Variants in GRM7 observed in about 807,000 individuals in gnomAD.
The protein encoded by GRM7 is metabotropic glutamate receptor 7.
In GRM7, 35 loss-of-function variants were observed where a neutral mutation model predicts 84.5. The observed-to-expected ratio is 0.41, with a 90% CI of 0.32 to 0.55. The LOEUF is 0.55. Ranked by LOEUF, GRM7 falls within the 20% of genes least tolerant of loss-of-function variation. The pLI, the probability that GRM7 is intolerant of heterozygous loss-of-function variation, is 0.19. For synonymous variants in GRM7, 487 were observed against 455.1 expected, an observed-to-expected ratio of 1.07 and a Z score of -0.89; for missense variants, 1,003 against 1,194.6, an observed-to-expected ratio of 0.84 and a Z score of 2.36.
intron 1 of GRM7, among the ~76,000 whole-genome samples, chr3:6,889,788 A>T (rs1452092275): frequency 2.6e-5 from 4 of 152,028 alleles, no homozygotes; most frequent in Admixed American, 6.6e-5. Flanking sequence ...TATTGATTGG[A>T]ATAGTTTCAG....
intron 4 of GRM7, among the ~76,000 whole-genome samples, chr3:7,372,630 C>A (rs1041689082): frequency 1.3e-5 from 2 of 152,088 alleles, no homozygotes; most frequent in Non-Finnish European, 2.9e-5. Flanking sequence ...AATAAAAGAT[C>A]CCTAAAAGTA....
chr3:7,491,001 C>A (rs2124950208), intron 7 of GRM7, among the ~76,000 whole-genome samples: 1 of 151,824 alleles, frequency 6.6e-6, no homozygotes, highest in South Asian at 2.1e-4. Flanking sequence ...TTTTACATTA[C>A]AAATAAGCAA....
chr3:7,702,016 A>G (rs913053465), intron 9 of GRM7, among the ~76,000 whole-genome samples: 3 of 152,198 alleles, frequency 2.0e-5, no homozygotes, highest in Non-Finnish European at 4.4e-5. Flanking sequence ...TGAAGTCTAT[A>G]TAGAAGAAAA....
chr3:6,952,203 T>TA (rs1166179283), intron 1 of GRM7, among the ~76,000 whole-genome samples: 4 of 152,218 alleles, frequency 2.6e-5, no homozygotes. Context: ...GAATCATATT[T>TA]AGTCTAAGGT....
rs1022634220 is a variant in GRM7 at position 7,578,317 on chromosome 3, C to T, written c.1516-105C>T. On this transcript the variant is annotated intron_variant, in intron 7 of 9. Transcript: ENST00000357716. ...AAGCTGAGGGTAAACTATTCAACCT[C>T]ATGCCTCATATGTCACTTGCCATGA... The T allele has an allele frequency of 7.0e-6, 5 of 711,806 alleles. No homozygotes were observed. The African/African-American group carries it at 9.0e-5, about 13-fold the overall frequency. 44.1% of individuals were successfully genotyped at this position (711,806 alleles called of 1,614,324 possible).
intron 1 of GRM7, among the ~76,000 whole-genome samples, chr3:6,941,774 A>G (rs548251208): frequency 6.6e-6 from 1 of 152,138 alleles, no homozygotes; most frequent in Non-Finnish European, 1.5e-5. Context: ...GTATCAATTC[A>G]TATATTCATG....
chr3:7,618,461 T>C (rs113601525), intron 8 of GRM7, among the ~76,000 whole-genome samples: 13 of 152,256 alleles, frequency 8.5e-5, no homozygotes, highest in African/African-American at 3.1e-4. Context: ...ATTTAGTAAA[T>C]GTGACCACTC....
At chr3:7,262,350 T>C (rs1015308422) in intron 2 of GRM7, among the ~76,000 whole-genome samples, 44 of 152,306 alleles carry the variant, frequency 2.9e-4, no homozygotes, top group Non-Finnish European at 6.2e-4. Flanking sequence ...AGAAAGCCAG[T>C]CTTCAAGCTT....
intron 8 of GRM7, among the ~76,000 whole-genome samples, chr3:7,597,324 C>T (rs1444427474): frequency 6.6e-6 from 1 of 152,114 alleles, no homozygotes; most frequent in Non-Finnish European, 1.5e-5. Context: ...AGGGATCTGC[C>T]TCTGTGACCC....
At chr3:6,958,230 G>A (rs1445894268) in intron 1 of GRM7, among the ~76,000 whole-genome samples, 1 of 104,352 alleles carries the variant, frequency 9.6e-6, no homozygotes, top group Non-Finnish European at 1.9e-5. Context: ...TTATAAAAAT[G>A]GTATCAGGCT....
chr3:7,251,881 T>C (rs1449522961), intron 2 of GRM7, among the ~76,000 whole-genome samples: 3 of 152,188 alleles, frequency 2.0e-5, no homozygotes, highest in Non-Finnish European at 4.4e-5. Flanking sequence ...TTATCAAAGA[T>C]AGTTATTACT....
chr3:6,895,475 C>A (rs1187942036), intron 1 of GRM7, among the ~76,000 whole-genome samples: 2 of 152,076 alleles, frequency 1.3e-5, no homozygotes, highest in South Asian at 4.1e-4. Flanking sequence ...TTATTTTTTT[C>A]TTCAACTTTA....
chr3:7,647,631 G>A (rs948578141), intron 8 of GRM7, among the ~76,000 whole-genome samples: 1 of 152,168 alleles, frequency 6.6e-6, no homozygotes, highest in Non-Finnish European at 1.5e-5. Flanking sequence ...TTATAGAGGG[G>A]ACAAGAGTAA....
intron 7 of GRM7, among the ~76,000 whole-genome samples, chr3:7,473,491 A>G (rs113109649): frequency 1.1e-3 from 55 of 51,056 alleles, no homozygotes; most frequent in African/African-American, 4.9e-3. Flanking sequence ...AACGAGAGGG[A>G]GAGAGAGAGA....
At chr3:7,421,854 G>A (rs1018037797) in intron 5 of GRM7, among the ~76,000 whole-genome samples, 2 of 140,786 alleles carry the variant, frequency 1.4e-5, no homozygotes, top group African/African-American at 5.3e-5. Context: ...TTTTAATACT[G>A]TATTTTTAAA....
chr3:7,627,546 A>T (rs1697669599), intron 8 of GRM7, among the ~76,000 whole-genome samples: 1 of 152,228 alleles, frequency 6.6e-6, no homozygotes, highest in African/African-American at 2.4e-5. Flanking sequence ...ACGAACTCTC[A>T]ACTAGCCAGA....
chr3:6,950,184 T>C (rs1386020780), intron 1 of GRM7, among the ~76,000 whole-genome samples: 3 of 152,146 alleles, frequency 2.0e-5, no homozygotes, highest in Admixed American at 2.0e-4. Context: ...ATCTTTGTGG[T>C]TTTTATCTAC....
intron 1 of GRM7, among the ~76,000 whole-genome samples, chr3:6,904,514 G>T (rs780317502): frequency 1.3e-5 from 2 of 152,112 alleles, no homozygotes; most frequent in Admixed American, 1.3e-4. Context: ...TGTATCGTTA[G>T]GTTAGGATTC....
At chr3:7,198,102 A>G (rs575255107) in intron 2 of GRM7, among the ~76,000 whole-genome samples, 3 of 152,004 alleles carry the variant, frequency 2.0e-5, no homozygotes, top group Non-Finnish European at 2.9e-5. Context: ...AAACTGCTGT[A>G]GAATCAGCTT....
Sources: allele counts gnomAD v4.1 joint callset (sites outside exome capture counted in the v4.1 genomes callset), GRCh38; gene constraint gnomAD v4.1.1; transcripts MANE v1.5; gene names NCBI Gene and HGNC (gene_info 2026-07-23, HGNC 2026-07-21).